The following GPC3 variants were observed in gnomAD, a reference collection of about 807,000 sequenced individuals.
GPC3 encodes the protein glypican 3.
Under a neutral mutation model 34.4 loss-of-function variants are expected in GPC3, and 3 were observed. That is an observed-to-expected ratio of 0.09 (90% confidence interval 0.04 to 0.23). The LOEUF (loss-of-function observed/expected upper bound fraction) is 0.23. Among genes scored for constraint, GPC3 ranks in the 10% least tolerant of loss-of-function variants. GPC3 has a pLI of 1.00. For missense variants in GPC3, 351 were observed against 445.6 expected (o/e 0.79, Z 1.91); for synonymous variants, 177 against 174.0 (o/e 1.02, Z -0.13).
chrX:133,972,974 T>C (rs576785516), intron 1 of GPC3, among the ~76,000 whole-genome samples: 1 of 111,162 alleles, frequency 9.0e-6, no homozygotes, highest in East Asian at 2.8e-4. Flanking sequence ...GGTTGAATCA[T>C]TCAAAGAGCA....
At chrX:133,877,138 A>G (rs1217884384) in intron 2 of GPC3, among the ~76,000 whole-genome samples, 2 of 112,033 alleles carry the variant, frequency 1.8e-5, no homozygotes, top group African/African-American at 6.5e-5. Context: ...GTGAGTCAGA[A>G]AACATATTGA....
chrX:133,823,973 C>CA (rs55969744), intron 2 of GPC3, among the ~76,000 whole-genome samples: 116 of 76,517 alleles, frequency 1.5e-3, no homozygotes, highest in Non-Finnish European at 2.5e-3. Flanking sequence ...GACTCCATCT[C>CA]AAAAAAAAAA....
intron 7 of GPC3, among the ~76,000 whole-genome samples, chrX:133,592,543 T>G (rs1378760924): frequency 9.1e-6 from 1 of 110,479 alleles, no homozygotes; most frequent in Admixed American, 9.6e-5. Flanking sequence ...TTTTCATGTT[T>G]ATTCAACATT....
At chrX:133,731,025 A>T (rs771219284) in intron 3 of GPC3, among the ~76,000 whole-genome samples, 1 of 112,506 alleles carries the variant, frequency 8.9e-6, no homozygotes, top group Non-Finnish European at 1.9e-5. Flanking sequence ...ATGATTTTTT[A>T]AAAACCACAA....
chrX:133,701,335 G>A (rs1177777069), intron 3 of GPC3, among the ~76,000 whole-genome samples: 1 of 111,738 alleles, frequency 8.9e-6, no homozygotes, highest in Non-Finnish European at 1.9e-5. Flanking sequence ...AGGAAATTGA[G>A]GCTTAGGGAG....
intron 5 of GPC3, among the ~76,000 whole-genome samples, chrX:133,683,551 A>G (rs2070967137): frequency 8.9e-6 from 1 of 112,079 alleles, no homozygotes; most frequent in African/African-American, 3.2e-5. Flanking sequence ...AGCTCAACAG[A>G]GGCTAGAATT....
intron 2 of GPC3, among the ~76,000 whole-genome samples, chrX:133,781,594 G>C (rs2072044541): frequency 8.9e-6 from 1 of 112,419 alleles, no homozygotes. Context: ...GGGTACATTA[G>C]AGCAGACTTC....
In GPC3 at chrX:133,777,144, C is replaced by T. The variant is rs367905217; in HGVS notation, c.338-22968G>A. Among the ~76,000 whole-genome samples, 117 of 110,304 alleles carry T rather than the reference C, an allele frequency of 1.1e-3. 3 individuals carry two copies. The South Asian group carries it at 0.045, about 42-fold the overall frequency. On this transcript the variant is annotated intron_variant, in intron 2 of 7. Transcript: ENST00000370818. ...TCTGTCCGCTTCGACCTCCCAAAGA[C>T]GTCGTTTCTTTCTTAATGCATGGAC... is the stretch of plus-strand genomic sequence containing the variant.
chrX:133,724,041 C>A (rs1369001273), intron 3 of GPC3, among the ~76,000 whole-genome samples: 1 of 112,114 alleles, frequency 8.9e-6, no homozygotes, highest in Non-Finnish European at 1.9e-5. Flanking sequence ...CTTTACAAAG[C>A]ACTTGTCCAC....
intron 6 of GPC3, among the ~76,000 whole-genome samples, chrX:133,600,688 G>A (rs1478678544): frequency 9.0e-6 from 1 of 111,279 alleles, no homozygotes; most frequent in Admixed American, 9.5e-5. Context: ...GGTCAGAGAG[G>A]AGGAATTGCC....
intron 2 of GPC3, among the ~76,000 whole-genome samples, chrX:133,909,326 G>A (rs1242479062): frequency 8.9e-6 from 1 of 112,127 alleles, no homozygotes; most frequent in Non-Finnish European, 1.9e-5. Context: ...ACTCTCAAAT[G>A]TTCTGCTAAA....
At chrX:133,687,430 C>A (rs1285544322) in intron 5 of GPC3, among the ~76,000 whole-genome samples, 1 of 70,058 alleles carries the variant, frequency 1.4e-5, no homozygotes, top group Non-Finnish European at 2.4e-5. Flanking sequence ...CTTACTCTGT[C>A]GCCCAGGCTG....
chrX:133,949,394 T>TC (rs906312684), intron 2 of GPC3, among the ~76,000 whole-genome samples: 5 of 110,370 alleles, frequency 4.5e-5, no homozygotes, highest in African/African-American at 1.3e-4. Context: ...AGTTCTTGGA[T>TC]CCCCCCCTAG....
intron 2 of GPC3, among the ~76,000 whole-genome samples, chrX:133,781,506 TG>T (rs2124503093): frequency 8.9e-6 from 1 of 112,200 alleles, no homozygotes; most frequent in African/African-American, 3.2e-5. Context: ...TTCTACAAAC[TG>T]AGAAAACAAC....
chrX:133,670,670 C>A (rs1263899455), intron 5 of GPC3, among the ~76,000 whole-genome samples: 1 of 111,805 alleles, frequency 8.9e-6, no homozygotes, highest in African/African-American at 3.3e-5. Flanking sequence ...GCATTCTGGC[C>A]ACAACAATCA....
chrX:133,588,966 C>T (rs186504377), intron 7 of GPC3, among the ~76,000 whole-genome samples: 27 of 111,443 alleles, frequency 2.4e-4, no homozygotes, highest in Non-Finnish European at 3.6e-4. Flanking sequence ...ACTGCTGGGA[C>T]GAAGTGACTA....
At chrX:133,655,816 A>C (rs1173212503) in intron 6 of GPC3, among the ~76,000 whole-genome samples, 1 of 112,001 alleles carries the variant, frequency 8.9e-6, no homozygotes, top group Non-Finnish European at 1.9e-5. Flanking sequence ...CATTTCAAAC[A>C]TTTTATTAAA....
rs1218904492 is a variant in GPC3 at position 133,907,015 on chromosome X, C to T, written c.337+46035G>A. Among the ~76,000 whole-genome samples the T allele has an allele frequency of 5.5e-5, 6 of 109,406 alleles. 1 individual carries two copies. Among genetic ancestry groups the T allele is most frequent in the Non-Finnish European group, 1.1e-4 (6 of 52,533 alleles). ...ACTCGGGAGGCCGAGGAAGGAGAAT[C>T]GCTTGAACCCGGGAGGCGGAGCTTG... is the stretch of plus-strand genomic sequence containing the variant. On this transcript the variant is annotated intron_variant, in intron 2 of 7. Coordinates refer to ENST00000370818, the MANE Select transcript of GPC3 (RefSeq NM_004484.4).
intron 2 of GPC3, among the ~76,000 whole-genome samples, chrX:133,935,518 C>T (rs2076319879): frequency 9.0e-6 from 1 of 111,209 alleles, no homozygotes; most frequent in Non-Finnish European, 1.9e-5. Flanking sequence ...CATTCTACCC[C>T]CAAAAGGCCC....
Sources: gnomAD v4.1 joint callset for allele counts (sites outside exome capture counted in the v4.1 genomes callset) on GRCh38, gnomAD v4.1.1 for gene constraint, MANE v1.5 for transcripts, NCBI Gene and HGNC (gene_info 2026-07-23, HGNC 2026-07-21) for gene names.